Variants in NCAM2 observed in about 807,000 individuals in gnomAD.
NCAM2 encodes N-CAM-2.
Under a neutral mutation model 98.1 loss-of-function variants are expected in NCAM2, and 30 were observed. That is an observed-to-expected ratio of 0.31 (90% CI 0.23 to 0.41). The LOEUF is 0.41. Among genes scored for constraint, NCAM2 ranks in the 10% least tolerant of loss-of-function variants. The pLI, the probability that NCAM2 is intolerant of heterozygous loss-of-function variation, is 1.00. For synonymous variants in NCAM2, 368 were observed against 342.4 expected, an observed-to-expected ratio of 1.07 and a Z score of -0.83; for missense variants, 867 against 1,005.8, an observed-to-expected ratio of 0.86 and a Z score of 1.87.
At chr21:21,278,319 A>G (rs1266904445) in intron 1 of NCAM2, among the ~76,000 whole-genome samples, 1 of 152,136 alleles carries the variant, frequency 6.6e-6, no homozygotes, top group African/African-American at 2.4e-5. Flanking sequence ...GCTTCTTATA[A>G]GGGCAATCTC....
At chr21:21,202,798 AC>A (rs1426351941) in intron 1 of NCAM2, among the ~76,000 whole-genome samples, 1 of 151,926 alleles carries the variant, frequency 6.6e-6, no homozygotes, top group Non-Finnish European at 1.5e-5. Flanking sequence ...AAGTTCTCAA[AC>A]TTTTAACTTG....
intron 15 of NCAM2, among the ~76,000 whole-genome samples, chr21:21,490,650 T>A (rs1266898788): frequency 6.6e-6 from 1 of 151,890 alleles, no homozygotes; most frequent in East Asian, 1.9e-4. Flanking sequence ...AGCAAGCAAT[T>A]ACAACTACTG....
chr21:21,115,377 A>G lies in NCAM2; in HGVS notation c.55+116759A>G, dbSNP rs147008070. The stretch of plus-strand genomic sequence containing the variant: ...TTACCATAAAATAGAGTTTCAAAGT[A>G]AAAAATTCTACCAGAATTAGTTAAG... On this transcript the variant is annotated intron_variant, in intron 1 of 17. Transcript: ENST00000400546. Among the ~76,000 whole-genome samples the G allele has an allele frequency of 7.2e-5, 11 of 152,308 alleles. No individual in the cohort carries two copies. In the East Asian group the frequency reaches 2.1e-3, roughly 29 times the overall value.
intron 12 of NCAM2, among the ~76,000 whole-genome samples, chr21:21,442,027 G>A (rs73894698): frequency 0.014 from 2,121 of 152,208 alleles, 46 homozygotes; most frequent in African/African-American, 0.047. Context: ...AAGATGACCC[G>A]ATATTTACAT....
chr21:21,110,283 G>T (rs1162989806), intron 1 of NCAM2, among the ~76,000 whole-genome samples: 1 of 152,124 alleles, frequency 6.6e-6, no homozygotes, highest in East Asian at 1.9e-4. Flanking sequence ...TATGTGTTTG[G>T]CAGCATGCTT....
intron 8 of NCAM2, among the ~76,000 whole-genome samples, chr21:21,344,638 G>T (rs1329545716): frequency 6.6e-6 from 1 of 152,094 alleles, no homozygotes; most frequent in Non-Finnish European, 1.5e-5. Flanking sequence ...GACTTCTAAG[G>T]TTTTAGACCT....
intron 1 of NCAM2, among the ~76,000 whole-genome samples, chr21:21,159,051 C>T (rs953203075): frequency 6.6e-6 from 1 of 152,002 alleles, no homozygotes; most frequent in Non-Finnish European, 1.5e-5. Context: ...TATTGATGAT[C>T]CTCTCAGTAG....
chr21:21,147,148 T>C (rs1472790804), intron 1 of NCAM2: 2 of 941,434 alleles, frequency 2.1e-6, no homozygotes, highest in Non-Finnish European at 2.5e-6. Flanking sequence ...TCCTGAAATC[T>C]CGCGCCCTGT....
intron 11 of NCAM2, among the ~76,000 whole-genome samples, chr21:21,420,609 A>T (rs571658666): frequency 6.6e-6 from 1 of 152,144 alleles, no homozygotes; most frequent in East Asian, 1.9e-4. Context: ...TTACTGCTGT[A>T]TAAATATATT....
intron 15 of NCAM2, among the ~76,000 whole-genome samples, chr21:21,491,072 T>G (rs1473697493): frequency 1.3e-5 from 2 of 151,858 alleles, no homozygotes; most frequent in Non-Finnish European, 3.0e-5. Context: ...ATACAAACAT[T>G]TATTTACTTA....
At chr21:21,447,705 AC>A (rs1980397265) in intron 12 of NCAM2, among the ~76,000 whole-genome samples, 1 of 152,116 alleles carries the variant, frequency 6.6e-6, no homozygotes, top group Admixed American at 6.6e-5. Flanking sequence ...CAAGAAAAAA[AC>A]AAACAACCCC....
chr21:21,047,615 T>A (rs751718524), intron 1 of NCAM2, among the ~76,000 whole-genome samples: 1 of 152,172 alleles, frequency 6.6e-6, no homozygotes. Flanking sequence ...TAGGGATAAA[T>A]AAAACTAATA....
intron 1 of NCAM2, among the ~76,000 whole-genome samples, chr21:21,157,214 C>T (rs1349360173): frequency 2.0e-5 from 3 of 152,098 alleles, no homozygotes; most frequent in Admixed American, 6.6e-5. Context: ...ATATATTTCC[C>T]TGAATTTTGG....
intron 1 of NCAM2, among the ~76,000 whole-genome samples, chr21:21,146,072 C>T (rs2146675975): frequency 6.6e-6 from 1 of 152,036 alleles, no homozygotes; most frequent in African/African-American, 2.4e-5. Flanking sequence ...GTAACAATGG[C>T]TAAAGTGAGA....
At chr21:21,453,747 A>G (rs545896097) in intron 12 of NCAM2, among the ~76,000 whole-genome samples, 203 of 152,194 alleles carry the variant, frequency 1.3e-3, no homozygotes, top group African/African-American at 4.5e-3. Context: ...TTCTTTTTCT[A>G]CATTAAACAA....
At chr21:21,117,230 C>A (rs2066581245) in intron 1 of NCAM2, among the ~76,000 whole-genome samples, 1 of 152,162 alleles carries the variant, frequency 6.6e-6, no homozygotes, top group Non-Finnish European at 1.5e-5. Flanking sequence ...CTCATGCTCA[C>A]AGCTTGGCAA....
chr21:21,053,055 T>C (rs567277054), intron 1 of NCAM2, among the ~76,000 whole-genome samples: 1 of 152,128 alleles, frequency 6.6e-6, no homozygotes, highest in South Asian at 2.1e-4. Flanking sequence ...TCTTATTGAA[T>C]AGTTGAAAAA....
intron 15 of NCAM2, among the ~76,000 whole-genome samples, chr21:21,495,722 C>G (rs1194456203): frequency 1.3e-5 from 2 of 151,954 alleles, no homozygotes; most frequent in African/African-American, 4.8e-5. Flanking sequence ...CAGTTTCATA[C>G]ATCTTTTTTT....
At chr21:21,465,959 A>G (rs972186694) in intron 12 of NCAM2, among the ~76,000 whole-genome samples, 1 of 152,010 alleles carries the variant, frequency 6.6e-6, no homozygotes, top group African/African-American at 2.4e-5. Flanking sequence ...AGTAACCTTT[A>G]TTTCCTTGTG....
Sources: allele counts gnomAD v4.1 joint callset (sites outside exome capture counted in the v4.1 genomes callset), GRCh38; gene constraint gnomAD v4.1.1; transcripts MANE v1.5; gene names NCBI Gene and HGNC (gene_info 2026-07-23, HGNC 2026-07-21).